Variants in JHY observed in about 807,000 individuals in gnomAD.
JHY encodes the protein junctional cadherin complex regulator.
JHY carries 69 observed loss-of-function variants against 78.0 expected under a neutral mutation model. The ratio of observed to expected loss-of-function variants is 0.88; its 90% CI spans 0.73 to 1.08. JHY has a LOEUF of 1.08. Ranked by LOEUF, JHY falls within the 50% of genes least tolerant of loss-of-function variation. The pLI is 0.00. For synonymous variants in JHY, 368 were observed against 342.6 expected (o/e 1.07, Z -0.82); for missense variants, 944 against 927.8 (o/e 1.02, Z -0.23).
At chr11:122,921,678 A>G (rs1225377508) in intron 3 of JHY, among the ~76,000 whole-genome samples, 2 of 152,186 alleles carry the variant, frequency 1.3e-5, no homozygotes, top group African/African-American at 2.4e-5. Flanking sequence ...TAGCACTGTG[A>G]GAGGGACTGA....
intron 3 of JHY, among the ~76,000 whole-genome samples, chr11:122,907,639 G>A (rs1003129433): frequency 6.6e-6 from 1 of 152,022 alleles, no homozygotes; most frequent in African/African-American, 2.4e-5. Context: ...GAAGTTGGGA[G>A]TTCGAGACCA....
intron 8 of JHY, 88 bp from the exon 9 acceptor site, chr11:122,959,160 A>G (rs748997061): frequency 1.4e-6 from 2 of 1,447,412 alleles, no homozygotes; most frequent in Non-Finnish European, 1.9e-6. Context: ...GTCTCCATTT[A>G]TATTATAAAT....
At chr11:122,887,415 C>T (rs1050593980) in intron 2 of JHY, among the ~76,000 whole-genome samples, 16 of 152,098 alleles carry the variant, frequency 1.1e-4, no homozygotes, top group African/African-American at 2.7e-4. Context: ...CTCCACCTCC[C>T]GGGTTCAAGT....
chr11:122,929,243 T>TG (rs1440545281), intron 4 of JHY, among the ~76,000 whole-genome samples: 1 of 150,626 alleles, frequency 6.6e-6, no homozygotes, highest in African/African-American at 2.4e-5. Flanking sequence ...GTTTTTTGTT[T>TG]TTTTTTTTTT....
At chr11:122,886,412 C>T (rs4936758) in intron 2 of JHY, among the ~76,000 whole-genome samples, 45,409 of 151,810 alleles carry the variant, frequency 0.3, 7,138 homozygotes, top group East Asian at 0.44. Context: ...GGGCAATTCG[C>T]ATTTCTCATA....
chr11:122,916,262 C>T (rs2135327191), intron 3 of JHY, among the ~76,000 whole-genome samples: 1 of 152,166 alleles, frequency 6.6e-6, no homozygotes, highest in African/African-American at 2.4e-5. Flanking sequence ...AATACACATT[C>T]TGTACATATA....
At position 122,921,035 on chromosome 11, in the gene JHY, C is replaced by CAAAA. The variant is rs759682121; in HGVS notation, c.865-3852_865-3849dup. The stretch of plus-strand genomic sequence containing the variant: ...TGATTGGTATTAATAGAATGGTTCA[C>CAAAA]AAAAAAAAAAAAATAGCTGGCAGAG... On this transcript the variant is annotated intron_variant, in intron 3 of 8. Coordinates refer to ENST00000227349, the MANE Select transcript of JHY (RefSeq NM_024806.4). Among the ~76,000 whole-genome samples, 24 of 139,104 alleles carry CAAAA rather than the reference C, an allele frequency of 1.7e-4. No individual in the cohort carries two copies. In the South Asian group the frequency reaches 2.4e-3, roughly 14 times the overall value. 91.3% of individuals were successfully genotyped at this position (139,104 alleles called of 152,430 possible). A position where few individuals can be genotyped will look rare whatever the true frequency, so the allele number is the denominator to read the frequency against.
Position 122,963,671 on chromosome 11 carries a change from A to G in JHY, c.*4226A>G, listed in dbSNP as rs1471577871. 6.6e-6 allele frequency among the ~76,000 whole-genome samples: 1 copy of G among 152,148 alleles called. No homozygotes were observed. The highest frequency in any genetic ancestry group is 1.5e-5 in the Non-Finnish European group (1 of 68,018). ...CCCAAGTTGGATCAGTGATCAATTC[A>G]TAGCATTTCTGTTTCAAATATTCAA... On this transcript the variant is annotated 3_prime_UTR_variant, in exon 9 of 9. Transcript: ENST00000227349.
Position 122,904,025 on chromosome 11 carries a change from G to A in JHY, c.445G>A (p.Glu149Lys). 4 of 1,614,142 alleles carry A rather than the reference G, an allele frequency of 2.5e-6. No homozygotes were observed. Among genetic ancestry groups the A allele is most frequent in the Non-Finnish European group, 3.4e-6 (4 of 1,180,034 alleles). Residue 149 changes from glutamate (E) to lysine (K), a missense_variant, in exon 3 of 9, where the codon GAG becomes AAG. Coordinates refer to ENST00000227349, the MANE Select transcript of JHY (RefSeq NM_024806.4). ...GQLLSVEALP[E>K]STDSSLENLP... ...GCTGCTGTCTGTGGAAGCGTTGCCG[G>A]AGTCCACGGACAGCTCTTTAGAAAA...
At chr11:122,884,382 C>A (rs1261601385) in intron 1 of JHY, among the ~76,000 whole-genome samples, 1 of 151,226 alleles carries the variant, frequency 6.6e-6, no homozygotes, top group African/African-American at 2.4e-5. Flanking sequence ...AAGAGCAAGC[C>A]ATTAAGACAA....
At chr11:122,896,652 A>C (rs1862746090) in intron 2 of JHY, among the ~76,000 whole-genome samples, 1 of 152,184 alleles carries the variant, frequency 6.6e-6, no homozygotes, top group Admixed American at 6.5e-5. Context: ...GAAATAAGTT[A>C]AGCCCTGGGG....
At chr11:122,896,741 G>A (rs1214061417) in intron 2 of JHY, among the ~76,000 whole-genome samples, 1 of 152,300 alleles carries the variant, frequency 6.6e-6, no homozygotes, top group African/African-American at 2.4e-5. Flanking sequence ...TGAATGTGAC[G>A]TACAGCAAGC....
At chr11:122,914,475 C>T (rs1205517912) in intron 3 of JHY, among the ~76,000 whole-genome samples, 2 of 151,886 alleles carry the variant, frequency 1.3e-5, no homozygotes, top group East Asian at 1.9e-4. Flanking sequence ...GACAGAGTCT[C>T]GCTCTGTAGC....
chr11:122,902,373 G>A lies in JHY; in HGVS notation c.345-1552G>A, dbSNP rs188828089. 3.9e-5 allele frequency among the ~76,000 whole-genome samples: 6 copies of A among 152,092 alleles called. No homozygotes were observed. In the East Asian group the frequency reaches 1.2e-3, roughly 30 times the overall value. ...CCAGGTACTCAGGAGGCTGAGGCAT[G>A]AGAATCACTTGAACCTGGGAGGCAG... On this transcript the variant is annotated intron_variant, in intron 2 of 8. Transcript: ENST00000227349.
chr11:122,893,568 T>C (rs1292558646), intron 2 of JHY, among the ~76,000 whole-genome samples: 1 of 152,220 alleles, frequency 6.6e-6, no homozygotes, highest in African/African-American at 2.4e-5. Flanking sequence ...TAAATTTAAA[T>C]GACCTACAAC....
chr11:122,931,872 C>T (rs1185646149), intron 4 of JHY, among the ~76,000 whole-genome samples: 5 of 152,140 alleles, frequency 3.3e-5, no homozygotes, highest in Non-Finnish European at 1.5e-5. Flanking sequence ...ACAGTATGAA[C>T]GAGCATTAAT....
At chr11:122,914,515 G>C (rs887537398) in intron 3 of JHY, among the ~76,000 whole-genome samples, 1 of 152,004 alleles carries the variant, frequency 6.6e-6, no homozygotes, top group Non-Finnish European at 1.5e-5. Flanking sequence ...TGCGATCTCC[G>C]CTCACTGCAA....
chr11:122,931,472 CA>C (rs1329139642), intron 4 of JHY, among the ~76,000 whole-genome samples: 1 of 152,170 alleles, frequency 6.6e-6, no homozygotes, highest in Non-Finnish European at 1.5e-5. Flanking sequence ...TTCATCTGAA[CA>C]CAGAGTTCTT....
intron 1 of JHY, among the ~76,000 whole-genome samples, chr11:122,885,536 T>C (rs1862476547): frequency 6.6e-6 from 1 of 152,212 alleles, no homozygotes; most frequent in Non-Finnish European, 1.5e-5. Flanking sequence ...TCAATAAAAC[T>C]GCATTCGATT....
Sources: gnomAD v4.1 joint callset for allele counts (sites outside exome capture counted in the v4.1 genomes callset) on GRCh38, gnomAD v4.1.1 for gene constraint, MANE v1.5 for transcripts, NCBI Gene and HGNC (gene_info 2026-07-23, HGNC 2026-07-21) for gene names.